The following USP16 variants were observed in gnomAD, a reference collection of about 807,000 sequenced individuals.
USP16 encodes ubiquitin carboxyl-terminal hydrolase 16.
USP16 carries 77 observed loss-of-function variants against 95.9 expected under a neutral mutation model. That is an observed-to-expected ratio of 0.80 (90% CI 0.67 to 0.97). The LOEUF is 0.97. Ranked by LOEUF, USP16 falls within the 50% of genes least tolerant of loss-of-function variation. The pLI is 0.00. For synonymous variants in USP16, 303 were observed against 318.2 expected, an observed-to-expected ratio of 0.95 and a Z score of 0.51; for missense variants, 943 against 959.9, an observed-to-expected ratio of 0.98 and a Z score of 0.23.
chr21:29,049,441 G>A (rs2085380611), intron 15 of USP16, among the ~76,000 whole-genome samples: 1 of 152,206 alleles, frequency 6.6e-6, no homozygotes, highest in African/African-American at 2.4e-5. Context: ...GAGGCTGAGA[G>A]CGTGTGTTTC....
chr21:29,047,919 GTGTA>G (rs747236473), intron 14 of USP16, among the ~76,000 whole-genome samples: 1 of 151,840 alleles, frequency 6.6e-6, no homozygotes, highest in Non-Finnish European at 1.5e-5. Flanking sequence ...CTGTGTGTGT[GTGTA>G]TGTATCTTAT....
Position 29,046,887 on chromosome 21 carries a change from C to G in USP16, c.1577C>G (p.Thr526Ser). ...NGQAKMIESV[T>S]DNQKSTEEVD... Reference sequence around the variant, plus strand: ...CAAGCAAAAATGATCGAAAGTGTAACTGACAATCAAAAATCCACAGAGGAA... The same window carrying G: ...CAAGCAAAAATGATCGAAAGTGTAAGTGACAATCAAAAATCCACAGAGGAA... The change falls in exon 14 of 18, where the codon ACT (threonine) becomes AGT (serine). Residue 526 changes from threonine (T) to serine (S), a missense_variant. Thr to Ser is a moderately conservative substitution (Grantham distance 58). Transcript: ENST00000399976. 6.2e-7 allele frequency: 1 copy of G among 1,614,058 alleles called. No homozygotes were observed. Among genetic ancestry groups the G allele is most frequent in the Non-Finnish European group, 8.5e-7 (1 of 1,179,994 alleles).
chr21:29,028,005 T>A, intron 2 of USP16, 31 bp downstream of exon 2: 2 of 1,494,540 alleles, frequency 1.3e-6, no homozygotes, highest in Non-Finnish European at 9.3e-7. Flanking sequence ...CTTTAATGTT[T>A]ATATCTCTAA....
intron 3 of USP16, 114 bp downstream of exon 3, chr21:29,030,887 T>C: frequency 8.1e-7 from 1 of 1,236,084 alleles, no homozygotes; most frequent in Non-Finnish European, 1.1e-6. Context: ...ACATAGATCA[T>C]GTTCTCTGGA....
intron 16 of USP16, among the ~76,000 whole-genome samples, chr21:29,051,935 C>G (rs902385585): frequency 2.0e-5 from 3 of 151,954 alleles, no homozygotes; most frequent in African/African-American, 7.3e-5. Flanking sequence ...TGACAAGGTA[C>G]ATGATCATTT....
chr21:29,049,076 T>C (rs996137021), intron 15 of USP16, among the ~76,000 whole-genome samples: 4 of 152,190 alleles, frequency 2.6e-5, no homozygotes, highest in Non-Finnish European at 5.9e-5. Flanking sequence ...CTCATTTATG[T>C]CCCTCTTTTT....
At chr21:29,038,189 A>G (rs2085190191) in intron 6 of USP16, 146 bp from the exon 7 acceptor site, 1 of 572,444 alleles carries the variant, frequency 1.7e-6, no homozygotes, top group Admixed American at 3.0e-5. Flanking sequence ...GTAGGGAGAG[A>G]AGCATCTGTA....
chr21:29,030,605 C>T lies in USP16; in HGVS notation c.72C>T (p.Cys24=), dbSNP rs1230758897. 1.9e-6 allele frequency: 3 copies of T among 1,601,988 alleles called. No individual in the cohort carries two copies. The highest frequency in any genetic ancestry group is 2.6e-6 in the Non-Finnish European group (3 of 1,175,914). The change falls in exon 3 of 18, where the codon TGC becomes TGT. Residue 24 remains cysteine (C), a synonymous_variant. Transcript: ENST00000399976. ...TATTTGTTTTAATAGAACCTGTGTG[C>T]AGACACATTAGAAAAGGATTGGAAC... is the stretch of plus-strand genomic sequence containing the variant. ...DDSSETLEPV[C]RHIRKGLEQG...
intron 14 of USP16, among the ~76,000 whole-genome samples, chr21:29,048,214 C>T (rs931479675): frequency 6.6e-6 from 1 of 151,814 alleles, no homozygotes; most frequent in African/African-American, 2.4e-5. Context: ...TCCCAAGTAG[C>T]TGGGACTACA....
At chr21:29,048,990 C>T (rs936065665) in intron 15 of USP16, 135 bp downstream of exon 15, 5 of 690,672 alleles carry the variant, frequency 7.2e-6, no homozygotes, top group Non-Finnish European at 9.4e-6. Context: ...TCAATGAAGT[C>T]AGAAAGGGAA....
rs2085133115 is a variant in USP16 at position 29,034,997 on chromosome 21, G to GA, written c.344+60dup. On this transcript the variant is annotated intron_variant, in intron 4 of 17. Coordinates refer to ENST00000399976, the MANE Select transcript of USP16 (RefSeq NM_006447.3). ...AAATTATTTGAAATATTAGAGAATG[G>GA]AAATGTTTAAATATGTTTAAGAAGA... 3.3e-6 allele frequency: 5 copies of GA among 1,502,342 alleles called. No individual in the cohort carries two copies. The East Asian group carries it at 1.1e-4, about 34-fold the overall frequency. 93.1% of individuals were successfully genotyped at this position (1,502,342 alleles called of 1,614,324 possible).
chr21:29,048,911 AT>A (rs1301370905), intron 15 of USP16, 56 bp downstream of exon 15: 1 of 1,281,930 alleles, frequency 7.8e-7, no homozygotes, highest in East Asian at 2.3e-5. Context: ...TTTATTACCT[AT>A]TTTTTTCATT....
intron 1 of USP16, among the ~76,000 whole-genome samples, chr21:29,027,161 G>A (rs2085004787): frequency 6.6e-6 from 1 of 152,148 alleles, no homozygotes; most frequent in Admixed American, 6.5e-5. Flanking sequence ...CACTTTTCAT[G>A]TTTTCTAAGT....
At chr21:29,040,738 CT>C in intron 10 of USP16, 51 bp downstream of exon 10, 1 of 985,992 alleles carries the variant, frequency 1.0e-6, no homozygotes, top group Non-Finnish European at 1.5e-6. Flanking sequence ...TCCTCTGTAC[CT>C]TAGGACAAGA....
intron 3 of USP16, among the ~76,000 whole-genome samples, chr21:29,032,910 CTTTCACTT>C (rs2085098367): frequency 6.6e-6 from 1 of 152,132 alleles, no homozygotes. Flanking sequence ...GAATGATTCA[CTTTCACTT>C]TTTCTTCATT....
intron 1 of USP16, among the ~76,000 whole-genome samples, chr21:29,025,554 C>T (rs1463215399): frequency 2.6e-5 from 4 of 152,184 alleles, no homozygotes; most frequent in African/African-American, 9.7e-5. Flanking sequence ...ACTGGAGTGA[C>T]CCCTCTGTCC....
chr21:29,026,348 C>T (rs1041627968), intron 1 of USP16, among the ~76,000 whole-genome samples: 2 of 150,626 alleles, frequency 1.3e-5, no homozygotes, highest in Non-Finnish European at 3.0e-5. Flanking sequence ...CCCAGCTATT[C>T]GGGAGGCTGA....
intron 7 of USP16, among the ~76,000 whole-genome samples, chr21:29,038,641 G>A (rs1030123826): frequency 6.6e-6 from 1 of 152,178 alleles, no homozygotes; most frequent in African/African-American, 2.4e-5. Context: ...ATGCTCGAGT[G>A]TTAAGCTTCC....
intron 1 of USP16, 86 bp downstream of exon 1, chr21:29,024,863 T>TCTCTTCTTGAAGGCCG: frequency 1.7e-6 from 2 of 1,201,564 alleles, no homozygotes; most frequent in South Asian, 2.9e-5. Context: ...CCAACTTCGT[T>TCTCTTCTTGAAGGCCG]CTCTTCTTGA....
Sources: gnomAD v4.1 joint callset for allele counts (sites outside exome capture counted in the v4.1 genomes callset) on GRCh38, gnomAD v4.1.1 for gene constraint, MANE v1.5 for transcripts, NCBI Gene and HGNC (gene_info 2026-07-23, HGNC 2026-07-21) for gene names.